Variants in FABP7 observed in about 807,000 individuals in gnomAD.
FABP7 encodes the protein fatty acid binding protein 7.
Under a neutral mutation model 14.2 loss-of-function variants are expected in FABP7, and 13 were observed. The ratio of observed to expected loss-of-function variants is 0.91; its 90% CI spans 0.59 to 1.45. The LOEUF (loss-of-function observed/expected upper bound fraction) is 1.45. FABP7 is among the 40% of genes most tolerant of loss of function. The pLI is 0.00. For missense variants in FABP7, 149 were observed against 157.6 expected (o/e 0.95, Z 0.29); for synonymous variants, 49 against 51.4 (o/e 0.95, Z 0.20).
chr6:122,764,092 T>A, the FABP7 span, among the ~76,000 whole-genome samples: 12 of 152,170 alleles, frequency 7.9e-5, no homozygotes, highest in Non-Finnish European at 1.2e-4. Flanking sequence ...TGCACACGTA[T>A]GTTTATTGTG....
chr6:122,753,772 G>C, the FABP7 span, among the ~76,000 whole-genome samples: 7 of 121,224 alleles, frequency 5.8e-5, no homozygotes, highest in African/African-American at 1.8e-4. Flanking sequence ...AATCTTCTTG[G>C]GTCCAAATCC....
chr6:122,778,936 A>G (rs969336719), upstream of FABP7, among the ~76,000 whole-genome samples: 4 of 152,166 alleles, frequency 2.6e-5, no homozygotes, highest in Non-Finnish European at 5.9e-5. Flanking sequence ...ATCGGGGGGA[A>G]AAGCATTCTT....
the FABP7 span, among the ~76,000 whole-genome samples, chr6:122,770,611 A>AT: frequency 6.6e-6 from 1 of 152,124 alleles, no homozygotes; most frequent in East Asian, 1.9e-4. Context: ...TCAACTTAAG[A>AT]TTTTGTTTTT....
the FABP7 span, among the ~76,000 whole-genome samples, chr6:122,762,296 A>G: frequency 6.6e-6 from 1 of 152,310 alleles, no homozygotes; most frequent in African/African-American, 2.4e-5. Context: ...AAACTACATG[A>G]TTATCTCAAT....
intron 3 of FABP7, chr6:122,781,740 C>CCTTT (rs1207410795): frequency 0.011 from 8,437 of 738,288 alleles, 34 homozygotes; most frequent in Middle Eastern, 0.02. Context: ...AGTGATAACC[C>CCTTT]TTTTTTTTTT....
intron 2 of FABP7, among the ~76,000 whole-genome samples, chr6:122,780,845 C>A (rs528846825): frequency 4.2e-4 from 64 of 152,262 alleles, no homozygotes; most frequent in African/African-American, 1.4e-3. Context: ...CGACTAGCTG[C>A]AAAGCACTGG....
the FABP7 span, among the ~76,000 whole-genome samples, chr6:122,767,024 C>A: frequency 6.6e-6 from 1 of 151,912 alleles, no homozygotes; most frequent in African/African-American, 2.4e-5. Context: ...TCTCAGGGAA[C>A]CTCAATTATC....
intron 3 of FABP7, 79 bp downstream of exon 3, chr6:122,781,273 C>G (rs868491562): frequency 1.5e-5 from 23 of 1,567,638 alleles, no homozygotes; most frequent in Non-Finnish European, 1.9e-5. Flanking sequence ...TTCTTCTTCC[C>G]TCCTCCTTCC....
chr6:122,772,912 G>C, the FABP7 span, among the ~76,000 whole-genome samples: 1 of 152,066 alleles, frequency 6.6e-6, no homozygotes, highest in African/African-American at 2.4e-5. Context: ...GTTTATTGGT[G>C]AGGGTAGGCA....
upstream of FABP7, among the ~76,000 whole-genome samples, chr6:122,777,440 G>A (rs370026690): frequency 4.9e-4 from 74 of 152,242 alleles, 2 homozygotes; most frequent in South Asian, 0.011. Flanking sequence ...GCCATAAAAG[G>A]AAGGGAAGTC....
chr6:122,774,981 T>C (rs984683651), upstream of FABP7, among the ~76,000 whole-genome samples: 8 of 151,634 alleles, frequency 5.3e-5, no homozygotes, highest in Non-Finnish European at 8.8e-5. Flanking sequence ...ATGAAAACTA[T>C]AAAATACTAA....
chr6:122,769,931 A>G, the FABP7 span, among the ~76,000 whole-genome samples: 1 of 152,148 alleles, frequency 6.6e-6, no homozygotes. Flanking sequence ...AAGGCTTATA[A>G]TACTGTGTTT....
intron 3 of FABP7, chr6:122,782,237 A>G: frequency 1.1e-6 from 1 of 947,970 alleles, no homozygotes; most frequent in Non-Finnish European, 1.3e-6. Context: ...TGCCACAACA[A>G]AGTACCACAA....
the FABP7 span, among the ~76,000 whole-genome samples, chr6:122,766,367 A>G: frequency 6.6e-6 from 1 of 152,116 alleles, no homozygotes. Flanking sequence ...AAGAAGAAAG[A>G]CTGTGCAGGA....
the FABP7 span, among the ~76,000 whole-genome samples, chr6:122,763,538 T>A: frequency 4.4e-4 from 67 of 152,014 alleles, no homozygotes; most frequent in African/African-American, 1.6e-3. Context: ...AATAGACAAA[T>A]GGGATCTAAT....
intron 3 of FABP7, chr6:122,781,857 T>G (rs769125663): frequency 2.1e-5 from 9 of 436,300 alleles, no homozygotes; most frequent in Admixed American, 6.8e-5. Context: ...TTCTACAACC[T>G]CAGCCTCCTA....
At chr6:122,770,202 C>A in the FABP7 span, among the ~76,000 whole-genome samples, 3,529 of 152,090 alleles carry the variant, frequency 0.023, 56 homozygotes, top group Middle Eastern at 0.089. Context: ...TGTCCTCAGG[C>A]ATGTTCCCAT....
the FABP7 span, among the ~76,000 whole-genome samples, chr6:122,774,597 A>T: frequency 6.6e-6 from 1 of 152,126 alleles, no homozygotes; most frequent in Non-Finnish European, 1.5e-5. Flanking sequence ...ATGTCAGTAT[A>T]TGGAGTTATA....
chr6:122,770,611 A>G, the FABP7 span, among the ~76,000 whole-genome samples: 1 of 152,124 alleles, frequency 6.6e-6, no homozygotes, highest in South Asian at 2.1e-4. Context: ...TCAACTTAAG[A>G]TTTTGTTTTT....
Sources: gnomAD v4.1 joint callset for allele counts (sites outside exome capture counted in the v4.1 genomes callset) on GRCh38, gnomAD v4.1.1 for gene constraint, MANE v1.5 for transcripts, NCBI Gene and HGNC (gene_info 2026-07-23, HGNC 2026-07-21) for gene names.